The following NUP153 variants were observed in gnomAD, a reference collection of about 807,000 sequenced individuals.
NUP153 encodes nucleoporin 153, also known as nuclear pore complex protein Nup153.
NUP153 carries 27 observed loss-of-function variants against 134.6 expected under a neutral mutation model. The observed-to-expected ratio is 0.20, with a 90% CI of 0.15 to 0.28. The LOEUF (loss-of-function observed/expected upper bound fraction) is 0.28. Among genes scored for constraint, NUP153 ranks in the 10% least tolerant of loss-of-function variants. The pLI is 1.00. For synonymous variants in NUP153, 640 were observed against 623.5 expected (o/e 1.03, Z -0.40); for missense variants, 1,821 against 1,731.3 (o/e 1.05, Z -0.92).
chr6:17,678,345 T>A, intron 2 of NUP153, among the ~76,000 whole-genome samples: 1 of 97,794 alleles, frequency 1.0e-5, no homozygotes, highest in Admixed American at 1.0e-4. Context: ...GACAGAACCC[T>A]CTGTCTCAAA....
chr6:17,621,123 C>A (rs1767875618), intron 20 of NUP153, among the ~76,000 whole-genome samples: 1 of 152,262 alleles, frequency 6.6e-6, no homozygotes, highest in African/African-American at 2.4e-5. Context: ...AAATGCTCAA[C>A]ATCACTATCA....
At chr6:17,651,690 C>A (rs985613712) in intron 11 of NUP153, 5 of 384,046 alleles carry the variant, frequency 1.3e-5, no homozygotes, top group Non-Finnish European at 2.3e-5. Flanking sequence ...AAAAATATTT[C>A]CAAAAGTTTT....
intron 7 of NUP153, 103 bp from the exon 8 acceptor site, chr6:17,669,131 T>A (rs535494782): frequency 1.8e-5 from 19 of 1,038,648 alleles, no homozygotes; most frequent in Non-Finnish European, 2.7e-5. Context: ...CAGGCTGGAG[T>A]GCAGTGGCGC....
chr6:17,679,532 A>C (rs1768447559), intron 2 of NUP153, among the ~76,000 whole-genome samples: 1 of 152,228 alleles, frequency 6.6e-6, no homozygotes. Context: ...ATTCATATGG[A>C]ATCTCAAGGA....
chr6:17,688,752 T>A, intron 1 of NUP153, 134 bp from the exon 2 acceptor site: 1 of 634,344 alleles, frequency 1.6e-6, no homozygotes, highest in Non-Finnish European at 2.7e-6. Context: ...TTACTACAGT[T>A]ACTGCTAACA....
Position 17,680,769 on chromosome 6 carries a change from T to C in NUP153, c.335-4999A>G, listed in dbSNP as rs928052981. On this transcript the variant is annotated intron_variant, in intron 2 of 21. Transcript: ENST00000262077. This position sits in a 1 kb window ranked among gnomAD's most constrained non-coding sequence, Gnocchi z 4.5. The stretch of plus-strand genomic sequence containing the variant: ...AAAATGGCTTTTATCAAAAAGGCAA[T>C]AATGGATGCTGGTGAGGATGTAGAG... Among the ~76,000 whole-genome samples, 1 of 152,170 alleles carries C rather than the reference T, an allele frequency of 6.6e-6. No individual in the cohort carries two copies. The highest frequency in any genetic ancestry group is 2.4e-5 in the African/African-American group (1 of 41,448).
chr6:17,668,488 A>G (rs1288840721), intron 8 of NUP153, among the ~76,000 whole-genome samples: 1 of 152,172 alleles, frequency 6.6e-6, no homozygotes, highest in Non-Finnish European at 1.5e-5. Flanking sequence ...ATGAGTATCT[A>G]CTACATATAC....
chr6:17,622,062 G>A (rs1043709707), intron 20 of NUP153, among the ~76,000 whole-genome samples: 2 of 151,964 alleles, frequency 1.3e-5, no homozygotes, highest in African/African-American at 2.4e-5. Context: ...GTTTTCTGTG[G>A]GAATGACCTT....
At chr6:17,699,509 A>G (rs1769908211) in intron 1 of NUP153, among the ~76,000 whole-genome samples, 1 of 149,694 alleles carries the variant, frequency 6.7e-6, no homozygotes, top group African/African-American at 2.5e-5. Context: ...AAAATACAAG[A>G]TAATTACAAT....
At chr6:17,686,208 G>C (rs560415693) in intron 2 of NUP153, among the ~76,000 whole-genome samples, 1 of 152,046 alleles carries the variant, frequency 6.6e-6, no homozygotes, top group South Asian at 2.1e-4. Context: ...CCTTAGGTAA[G>C]TCCTTCTGGA....
At chr6:17,631,525 T>C (rs1400826599) in intron 17 of NUP153, among the ~76,000 whole-genome samples, 1 of 152,168 alleles carries the variant, frequency 6.6e-6, no homozygotes, top group African/African-American at 2.4e-5. Flanking sequence ...CTCACCGTTC[T>C]AGGGGTCTAC....
Position 17,646,047 on chromosome 6 carries a change from T to G in NUP153, c.1720+20A>C, listed in dbSNP as rs761003620. 1.0e-5 allele frequency: 12 copies of G among 1,144,654 alleles called. No individual in the cohort carries two copies. Among genetic ancestry groups the G allele is most frequent in the African/African-American group, 3.1e-5 (2 of 64,596 alleles). The allele number at this position is 1,144,654 out of a possible 1,614,324, so 70.9% of individuals were successfully genotyped here. A position where few individuals can be genotyped will look rare whatever the true frequency, so the allele number is the denominator to read the frequency against. On this transcript the variant is annotated intron_variant, in intron 14 of 21. Transcript: ENST00000262077. ...GTATGCAATTGTTTGTATGTTAAAA[T>G]GTAAGAAATTTTTACTTACCTGAAC... is the stretch of plus-strand genomic sequence containing the variant.
intron 17 of NUP153, among the ~76,000 whole-genome samples, chr6:17,630,950 T>G (rs540221636): frequency 6.6e-6 from 1 of 152,112 alleles, no homozygotes; most frequent in Non-Finnish European, 1.5e-5. Context: ...TAAGAAGTAC[T>G]AAGATACTTA....
At chr6:17,618,863 G>GCC (rs1480303253) in intron 20 of NUP153, among the ~76,000 whole-genome samples, 3 of 152,174 alleles carry the variant, frequency 2.0e-5, no homozygotes, top group African/African-American at 7.2e-5. Flanking sequence ...ACTGCGCCCA[G>GCC]CAGAAGTTAA....
At chr6:17,637,107 C>T (rs571391697) in intron 16 of NUP153, 46 bp downstream of exon 16, 2 of 1,536,074 alleles carry the variant, frequency 1.3e-6, no homozygotes, top group South Asian at 2.5e-5. Context: ...TTAAACTGTT[C>T]AACAGAAGTA....
chr6:17,650,979 G>A (rs1423138050), intron 11 of NUP153, among the ~76,000 whole-genome samples: 6 of 152,106 alleles, frequency 3.9e-5, no homozygotes. Flanking sequence ...GAAATCCCAA[G>A]AGAAACCACT....
At chr6:17,670,690 GGTTT>G (rs1767854618) in intron 5 of NUP153, among the ~76,000 whole-genome samples, 3 of 151,710 alleles carry the variant, frequency 2.0e-5, no homozygotes, top group Admixed American at 6.6e-5. Flanking sequence ...ACTATACCTA[GGTTT>G]GTTCAAAAAT....
chr6:17,683,774 T>C (rs1000365444), intron 2 of NUP153, among the ~76,000 whole-genome samples: 1 of 152,234 alleles, frequency 6.6e-6, no homozygotes, highest in Non-Finnish European at 1.5e-5. Context: ...GTCTCTTCTC[T>C]GGCTATCAAA....
chr6:17,632,462 AG>A (rs1765307277), intron 17 of NUP153, among the ~76,000 whole-genome samples, 187 bp downstream of exon 17: 1 of 152,224 alleles, frequency 6.6e-6, no homozygotes, highest in South Asian at 2.1e-4. Context: ...ACTGTTGACA[AG>A]CAACTAATAT....
Sources: allele counts gnomAD v4.1 joint callset (sites outside exome capture counted in the v4.1 genomes callset), GRCh38; gene constraint gnomAD v4.1.1; non-coding constraint Gnocchi (gnomAD v3.1); transcripts MANE v1.5; gene names NCBI Gene and HGNC (gene_info 2026-07-23, HGNC 2026-07-21).